The following USP44 variants were observed in gnomAD, a reference collection of about 807,000 sequenced individuals.
USP44 encodes ubiquitin specific peptidase 44, also known as ubiquitin carboxyl-terminal hydrolase 44.
In USP44, 61 loss-of-function variants were observed where a neutral mutation model predicts 69.0. The ratio of observed to expected loss-of-function variants is 0.88; its 90% confidence interval spans 0.72 to 1.09. The LOEUF (loss-of-function observed/expected upper bound fraction) is 1.09. Ranked by LOEUF, USP44 falls within the 50% of genes least tolerant of loss-of-function variation. USP44 has a pLI of 0.00. For missense variants in USP44, 753 were observed against 849.9 expected, an observed-to-expected ratio of 0.89 and a Z score of 1.42; for synonymous variants, 297 against 295.4, an observed-to-expected ratio of 1.01 and a Z score of -0.06.
rs1239374179 is a variant in USP44 at position 95,534,218 on chromosome 12, C to T, written c.39G>A (p.Leu13=). 2 of 1,613,788 alleles carry T rather than the reference C, an allele frequency of 1.2e-6. No individual in the cohort carries two copies. The highest frequency in any genetic ancestry group is 1.3e-5 in the African/African-American group (1 of 75,022). ...AMDTCKHVGQ[L]QLAQDHSSLN... ...GGCTGGAATGGTCTTGAGCAAGCTG[C>T]AGCTGCCCAACATGTTTGCACGTAT... Residue 13 remains leucine, a synonymous_variant, in exon 2 of 6, where the codon CTG becomes CTA. Transcript: ENST00000258499.
At chr12:95,540,607 T>C (rs980482909) in intron 1 of USP44, among the ~76,000 whole-genome samples, 13 of 152,200 alleles carry the variant, frequency 8.5e-5, no homozygotes, top group African/African-American at 2.9e-4. Context: ...CCTCCCAAAG[T>C]GCTGGGATTA....
At chr12:95,520,669 C>T (rs764098870) in intron 5 of USP44, among the ~76,000 whole-genome samples, 3 of 152,130 alleles carry the variant, frequency 2.0e-5, no homozygotes, top group Non-Finnish European at 4.4e-5. Context: ...ATTTCTTTAA[C>T]GAAATTAACT....
rs1213997172 is a variant in USP44 at position 95,516,882 on chromosome 12, A to G, written c.*1272T>C. The G allele has an allele frequency of 6.6e-6, 1 of 152,110 alleles. No individual in the cohort carries two copies. The highest frequency in any genetic ancestry group is 1.5e-5 in the Non-Finnish European group (1 of 68,018). The allele number at this position is 152,110 out of a possible 1,614,324, so 9.4% of individuals were successfully genotyped here. ...CACTAAGACTTCAACCTGCAAATAA[A>G]CCCACTTATAAAAAAGGGATACATG... is the stretch of plus-strand genomic sequence containing the variant. On this transcript the variant is annotated 3_prime_UTR_variant, in exon 6 of 6. Coordinates refer to ENST00000258499, the MANE Select transcript of USP44 (RefSeq NM_032147.5).
At chr12:95,543,483 T>C (rs1592745185) in intron 1 of USP44, among the ~76,000 whole-genome samples, 1 of 148,988 alleles carries the variant, frequency 6.7e-6, no homozygotes, top group Non-Finnish European at 1.5e-5. Context: ...CAAGACCCTG[T>C]CTCTAGAAAA....
intron 1 of USP44, among the ~76,000 whole-genome samples, chr12:95,536,296 C>T (rs907242310): frequency 6.6e-6 from 1 of 152,024 alleles, no homozygotes; most frequent in Non-Finnish European, 1.5e-5. Flanking sequence ...ACCCGCCTAA[C>T]CCTCCCAAAG....
chr12:95,536,039 C>CTTTTTTTTT (rs397821709), intron 1 of USP44, among the ~76,000 whole-genome samples: 14 of 97,532 alleles, frequency 1.4e-4, no homozygotes, highest in African/African-American at 2.1e-4. Context: ...CTTTTTTTTC[C>CTTTTTTTTT]TTTTTTTTTT....
Position 95,542,929 on chromosome 12 carries a change from A to T in USP44, c.-71+8343T>A, listed in dbSNP as rs1312774337. On this transcript the variant is annotated intron_variant, in intron 1 of 5. Transcript: ENST00000258499. The stretch of plus-strand genomic sequence containing the variant: ...TGGTGAAACCCGTCTCTACTAAAAA[A>T]TACAAAAAATTAGCCAGGTATGGTG... Among the ~76,000 whole-genome samples, 10 of 150,910 alleles carry T rather than the reference A, an allele frequency of 6.6e-5. No individual in the cohort carries two copies. In the South Asian group the frequency reaches 2.1e-3, roughly 31 times the overall value.
chr12:95,528,643 A>G (rs535367629), intron 3 of USP44, among the ~76,000 whole-genome samples, 164 bp downstream of exon 3: 6 of 152,356 alleles, frequency 3.9e-5, no homozygotes, highest in Admixed American at 2.6e-4. Context: ...AAACAAATGC[A>G]TAGTTCATAA....
rs2076637973 is a variant in USP44 at position 95,520,873 on chromosome 12, C to A, written c.1939+124G>T. 4.8e-6 allele frequency: 4 copies of A among 828,916 alleles called. No homozygotes were observed. The East Asian group carries it at 1.0e-4, about 22-fold the overall frequency. The allele number at this position is 828,916 out of a possible 1,614,324, so 51.3% of individuals were successfully genotyped here. On this transcript the variant is annotated intron_variant, in intron 5 of 5. Coordinates refer to ENST00000258499, the MANE Select transcript of USP44 (RefSeq NM_032147.5). ...TTTTTAGTACCTGCAGAGGCATTCTCCCTAAGAAAATAAGTGGTCGAGTAG... is the reference window on the plus strand; with the variant it reads ...TTTTTAGTACCTGCAGAGGCATTCTACCTAAGAAAATAAGTGGTCGAGTAG...
In USP44 at chr12:95,534,010, C is replaced by T. The variant is rs1435415358; in HGVS notation, c.247G>A (p.Asp83Asn). The T allele has an allele frequency of 6.2e-7, 1 of 1,614,176 alleles. No individual in the cohort carries two copies. The highest frequency in any genetic ancestry group is 1.7e-5 in the Admixed American group (1 of 60,012). The change falls in exon 2 of 6, where the codon GAT becomes AAT. Residue 83 changes from aspartate to asparagine, a missense_variant. By Grantham distance (23) the Asp-to-Asn change is conservative (BLOSUM62 1). Coordinates refer to ENST00000258499, the MANE Select transcript of USP44 (RefSeq NM_032147.5). ...NEMYVFCYLC[D>N]DYVLNDNTTG... ...GTGTTATCATTCAGAACATAATCAT[C>T]ACAAAGGTAACAAAAAACGTACATC...
At chr12:95,519,957 G>A (rs148620346) in intron 5 of USP44, among the ~76,000 whole-genome samples, 2,283 of 128,232 alleles carry the variant, frequency 0.018, 69 homozygotes, top group African/African-American at 0.065. Context: ...GCAGTGAGCC[G>A]AGATCATGCT....
intron 1 of USP44, among the ~76,000 whole-genome samples, chr12:95,542,827 C>T (rs1340714727): frequency 6.7e-6 from 1 of 148,528 alleles, no homozygotes; most frequent in African/African-American, 2.5e-5. Context: ...TGGTGGCTCA[C>T]CCTGTAATCC....
chr12:95,532,003 A>G (rs1305212779), intron 2 of USP44, among the ~76,000 whole-genome samples: 2 of 152,138 alleles, frequency 1.3e-5, no homozygotes, highest in East Asian at 1.9e-4. Flanking sequence ...GGAAAATCAT[A>G]TAAGATTATT....
At chr12:95,520,857 C>T in intron 5 of USP44, 140 bp downstream of exon 5, 1 of 710,192 alleles carries the variant, frequency 1.4e-6, no homozygotes, top group African/African-American at 1.8e-5. Context: ...TTTTTTAGTA[C>T]CTGCAGAGGC....
At chr12:95,523,513 T>A (rs2076732892) in intron 4 of USP44, among the ~76,000 whole-genome samples, 1 of 152,174 alleles carries the variant, frequency 6.6e-6, no homozygotes. Flanking sequence ...ACATTCGTAT[T>A]CTCTGTTGTA....
chr12:95,538,705 G>A (rs12049985), intron 1 of USP44, among the ~76,000 whole-genome samples: 15,720 of 152,246 alleles, frequency 0.1, 1,058 homozygotes, highest in East Asian at 0.24. Context: ...CAAGGGCACC[G>A]TGGAAAGCAG....
Position 95,521,127 on chromosome 12 carries a change from A to T in USP44, c.1809T>A (p.Tyr603Ter). ...GFEEILNMEPYCCRETLKSLR... is the reference protein window; with the variant it reads ...GFEEILNMEP Reference sequence around the variant, plus strand: ...GGGATTTCAGGGTCTCCCTGCAGCAATAGGGCTCCATGTTTAAGATTTCCT... The same window carrying T: ...GGGATTTCAGGGTCTCCCTGCAGCATTAGGGCTCCATGTTTAAGATTTCCT... Residue 603 changes from tyrosine to a stop codon, truncating the protein, a stop_gained, in exon 5 of 6, where the codon TAT becomes TAA. Coordinates refer to ENST00000258499, the MANE Select transcript of USP44 (RefSeq NM_032147.5). LOFTEE classifies it high-confidence loss of function. 1.2e-6 allele frequency: 2 copies of T among 1,614,176 alleles called. No homozygotes were observed. The highest frequency in any genetic ancestry group is 1.7e-6 in the Non-Finnish European group (2 of 1,180,026).
chr12:95,540,148 CTACCCAGACTT>C (rs1306477261), intron 1 of USP44, among the ~76,000 whole-genome samples: 1 of 152,176 alleles, frequency 6.6e-6, no homozygotes, highest in Non-Finnish European at 1.5e-5. Context: ...AGACAGCTAA[CTACCCAGACTT>C]TACCCTTAGC....
rs758850060 is a variant in USP44 at position 95,518,221 on chromosome 12, T to A, written c.2072A>T (p.Glu691Val). Residue 691 changes from glutamate (E) to valine (V), a missense_variant, in exon 6 of 6, where the codon GAG (glutamate) becomes GTG (valine). Coordinates refer to ENST00000258499, the MANE Select transcript of USP44 (RefSeq NM_032147.5). ...ENGHSKLLPP[E>V]LLLGSQHPNE... ...GGGATGTTGGCTCCCCAACAGGAGC[T>A]CTGGAGGCAAAAGTTTAGAATGTCC... 8.7e-6 allele frequency: 14 copies of A among 1,614,040 alleles called. No homozygotes were observed. Among genetic ancestry groups the A allele is most frequent in the Non-Finnish European group, 1.2e-5 (14 of 1,180,044 alleles).
Sources: gnomAD v4.1 joint callset for allele counts (sites outside exome capture counted in the v4.1 genomes callset) on GRCh38, gnomAD v4.1.1 for gene constraint, MANE v1.5 for transcripts, NCBI Gene and HGNC (gene_info 2026-07-23, HGNC 2026-07-21) for gene names.